The following SPATA16 variants were observed in gnomAD, a reference collection of about 807,000 sequenced individuals.
SPATA16 encodes spermatogenesis-associated protein 16.
SPATA16 carries 36 observed loss-of-function variants against 63.3 expected under a neutral mutation model. The observed-to-expected ratio is 0.57, with a 90% CI of 0.44 to 0.75. The LOEUF (loss-of-function observed/expected upper bound fraction) is 0.75. SPATA16 is among the 30% of genes least tolerant of loss of function. The pLI is 0.00. For synonymous variants in SPATA16, 203 were observed against 216.7 expected, an observed-to-expected ratio of 0.94 and a Z score of 0.56; for missense variants, 646 against 679.3, an observed-to-expected ratio of 0.95 and a Z score of 0.54.
At chr3:173,056,705 CAAAA>C (rs71162325) in intron 2 of SPATA16, among the ~76,000 whole-genome samples, 6 of 73,592 alleles carry the variant, frequency 8.2e-5, no homozygotes, top group Middle Eastern at 0.019. Context: ...ACTCTTGTTT[CAAAA>C]AAAAAAAAAA....
At chr3:173,000,927 C>G (rs185830395) in intron 4 of SPATA16, among the ~76,000 whole-genome samples, 17 of 152,176 alleles carry the variant, frequency 1.1e-4, no homozygotes, top group Admixed American at 2.6e-4. Context: ...ATTCATCTGT[C>G]CCTGCATGTT....
At chr3:173,009,540 A>C (rs1421347815) in intron 4 of SPATA16, among the ~76,000 whole-genome samples, 1 of 152,224 alleles carries the variant, frequency 6.6e-6, no homozygotes, top group African/African-American at 2.4e-5. Context: ...CTTGGATCCC[A>C]GAGCACCCTA....
In SPATA16 at chr3:172,961,809, A is replaced by G. The variant is rs75067779; in HGVS notation, c.934-4985T>C. Among the ~76,000 whole-genome samples the G allele has an allele frequency of 3.1e-3, 468 of 152,272 alleles. 2 individuals are homozygous for G. Among genetic ancestry groups the G allele is most frequent in the Admixed American group, 0.015 (231 of 15,292 alleles). On this transcript the variant is annotated intron_variant, in intron 5 of 10. Transcript: ENST00000351008. ...TATGACTTTACCTCGCAGGCACATA[A>G]TAGGCATTTTCCAGACTCCCTTACA...
chr3:172,926,398 A>C (rs144950388), intron 6 of SPATA16, among the ~76,000 whole-genome samples: 1 of 152,208 alleles, frequency 6.6e-6, no homozygotes, highest in Non-Finnish European at 1.5e-5. Context: ...CTTATTTTCT[A>C]TCTGCCCCTG....
At chr3:173,086,716 C>CAG (rs1441806725) in intron 2 of SPATA16, among the ~76,000 whole-genome samples, 1 of 152,116 alleles carries the variant, frequency 6.6e-6, no homozygotes, top group Non-Finnish European at 1.5e-5. Flanking sequence ...AGCTGTGTCC[C>CAG]AGAGATTCTG....
chr3:173,088,068 T>G (rs866895560), intron 2 of SPATA16, among the ~76,000 whole-genome samples: 315 of 130,722 alleles, frequency 2.4e-3, no homozygotes, highest in African/African-American at 6.5e-3. Flanking sequence ...CTTTCTTTCT[T>G]TCTTTCTTTC....
intron 4 of SPATA16, among the ~76,000 whole-genome samples, chr3:172,986,182 A>G (rs1332546603): frequency 6.6e-6 from 1 of 152,190 alleles, no homozygotes; most frequent in Admixed American, 6.5e-5. Flanking sequence ...TTGTCTTACC[A>G]TGTTCATAGC....
intron 5 of SPATA16, among the ~76,000 whole-genome samples, chr3:172,974,935 G>A (rs1353574063): frequency 2.0e-5 from 3 of 151,874 alleles, no homozygotes; most frequent in East Asian, 3.9e-4. Context: ...TTTATGCCAG[G>A]TTACATCCAA....
intron 1 of SPATA16, among the ~76,000 whole-genome samples, chr3:173,139,457 T>C (rs1164559810): frequency 6.6e-6 from 1 of 152,188 alleles, no homozygotes. Flanking sequence ...AGAAGATGAC[T>C]CAACATATTC....
At chr3:172,997,510 T>C (rs1734719825) in intron 4 of SPATA16, among the ~76,000 whole-genome samples, 1 of 152,128 alleles carries the variant, frequency 6.6e-6, no homozygotes. Flanking sequence ...TGGATAACAG[T>C]TCTTTATCGT....
intron 6 of SPATA16, among the ~76,000 whole-genome samples, chr3:172,951,323 T>C (rs772027368): frequency 6.6e-6 from 1 of 152,156 alleles, no homozygotes; most frequent in Non-Finnish European, 1.5e-5. Flanking sequence ...TTCCTGAGCA[T>C]GTATAAACCT....
intron 6 of SPATA16, among the ~76,000 whole-genome samples, chr3:172,926,289 T>C (rs1732733830): frequency 6.6e-6 from 1 of 152,234 alleles, no homozygotes; most frequent in African/African-American, 2.4e-5. Flanking sequence ...ATAAATGTAC[T>C]GACTATTGTA....
At chr3:173,123,415 C>T (rs1466031690) in intron 1 of SPATA16, among the ~76,000 whole-genome samples, 1 of 152,086 alleles carries the variant, frequency 6.6e-6, no homozygotes, top group Non-Finnish European at 1.5e-5. Flanking sequence ...CTCTGCATTG[C>T]ACCCCAAGTT....
intron 6 of SPATA16, among the ~76,000 whole-genome samples, chr3:172,951,589 A>T (rs1733434825): frequency 1.3e-5 from 2 of 152,164 alleles, no homozygotes; most frequent in African/African-American, 4.8e-5. Context: ...GATATCCCTG[A>T]CAAGGGTGAC....
intron 3 of SPATA16, among the ~76,000 whole-genome samples, chr3:173,040,953 C>T (rs556655335): frequency 2.6e-5 from 4 of 152,106 alleles, no homozygotes; most frequent in South Asian, 4.2e-4. Flanking sequence ...TTGTTCCCTA[C>T]AGTAGAAACA....
chr3:173,051,488 A>C (rs1483126876), intron 2 of SPATA16, among the ~76,000 whole-genome samples: 4 of 152,178 alleles, frequency 2.6e-5, no homozygotes, highest in Non-Finnish European at 1.5e-5. Flanking sequence ...GGCGTGAGCC[A>C]CCGTGCCCAG....
intron 1 of SPATA16, among the ~76,000 whole-genome samples, chr3:173,121,340 G>A (rs905591631): frequency 5.3e-5 from 8 of 151,876 alleles, no homozygotes; most frequent in Admixed American, 3.9e-4. Flanking sequence ...CGCTCAATGT[G>A]TGTTTTCAGC....
intron 2 of SPATA16, among the ~76,000 whole-genome samples, chr3:173,113,690 C>T (rs1012274898): frequency 5.9e-5 from 9 of 152,090 alleles, no homozygotes; most frequent in African/African-American, 2.2e-4. Flanking sequence ...AGGAAACTAA[C>T]ACATAAACAA....
chr3:172,924,060 A>G, intron 8 of SPATA16, 148 bp downstream of exon 8: 2 of 633,448 alleles, frequency 3.2e-6, no homozygotes, highest in South Asian at 1.9e-5. Flanking sequence ...ATCATTAGCT[A>G]AAATTTGCTT....
Sources: allele counts gnomAD v4.1 joint callset (sites outside exome capture counted in the v4.1 genomes callset), GRCh38; gene constraint gnomAD v4.1.1; transcripts MANE v1.5; gene names NCBI Gene and HGNC (gene_info 2026-07-23, HGNC 2026-07-21).